Variants in DMD observed in about 807,000 individuals in gnomAD.
DMD encodes dystrophin.
Under a neutral mutation model 330.1 loss-of-function variants are expected in DMD, and 63 were observed. The observed-to-expected ratio is 0.19, with a 90% confidence interval of 0.16 to 0.24. The LOEUF (loss-of-function observed/expected upper bound fraction) is 0.24, where lower values mean the gene tolerates loss of function less well. DMD is among the 10% of genes least tolerant of loss of function. The pLI, the probability that DMD is intolerant of heterozygous loss-of-function variation, is 1.00. For missense variants in DMD, 3,344 were observed against 2,684.1 expected (o/e 1.25, Z -5.43); for synonymous variants, 1,223 against 959.8 (o/e 1.27, Z -5.07).
At chrX:33,238,958 G>A (rs1222787415) in intron 1 of DMD, among the ~76,000 whole-genome samples, 2 of 110,874 alleles carry the variant, frequency 1.8e-5, no homozygotes, top group African/African-American at 3.3e-5. Flanking sequence ...AGCTTGTTAA[G>A]TAAGATGTTG....
intron 60 of DMD, among the ~76,000 whole-genome samples, chrX:31,410,087 C>T (rs2061571990): frequency 1.8e-5 from 2 of 112,265 alleles, no homozygotes; most frequent in South Asian, 7.4e-4. Context: ...CCCAAAGTGC[C>T]AGGATTATAG....
In DMD at chrX:32,848,959, A is replaced by T. The variant is rs747053610; in HGVS notation, c.186+769T>A. On this transcript the variant is annotated intron_variant, in intron 3 of 78. Transcript: ENST00000357033. ...CTAACTGACTTTGAACGACAGCTTC[A>T]GTTTGTATAATATGACAAAATCTGT... is the stretch of plus-strand genomic sequence containing the variant. Among the ~76,000 whole-genome samples, 4 of 111,189 alleles carry T rather than the reference A, an allele frequency of 3.6e-5. No homozygotes were observed. In the East Asian group the frequency reaches 8.6e-4, roughly 24 times the overall value.
At chrX:32,554,873 GGAAA>G (rs2050042480) in intron 16 of DMD, among the ~76,000 whole-genome samples, 2 of 31,169 alleles carry the variant, frequency 6.4e-5, no homozygotes, top group Admixed American at 3.6e-4. Flanking sequence ...AGAGAGAGAA[GGAAA>G]GAAGAAAGAA....
At chrX:32,474,208 T>TACAC (rs3045001) in intron 21 of DMD, among the ~76,000 whole-genome samples, 543 of 41,317 alleles carry the variant, frequency 0.013, 1 homozygote, top group African/African-American at 0.021. Context: ...CATACATACA[T>TACAC]ACACACACAC....
intron 64 of DMD, among the ~76,000 whole-genome samples, chrX:31,222,063 G>GT (rs2046113002): frequency 9.0e-6 from 1 of 110,896 alleles, no homozygotes; most frequent in Admixed American, 9.6e-5. Flanking sequence ...AGGCGTGGTG[G>GT]TGGGTGCCTG....
chrX:31,544,107 G>A (rs1310687151), intron 55 of DMD, among the ~76,000 whole-genome samples: 1 of 111,020 alleles, frequency 9.0e-6, no homozygotes, highest in Non-Finnish European at 1.9e-5. Flanking sequence ...GGCGGACCAC[G>A]AGGTCAGGAG....
intron 18 of DMD, among the ~76,000 whole-genome samples, chrX:32,503,710 C>T (rs568503426): frequency 1.8e-5 from 2 of 110,183 alleles, no homozygotes; most frequent in Middle Eastern, 4.6e-3. Context: ...CGTGCACCAC[C>T]ACGCCCAGCT....
chrX:33,272,287 A>T (rs893663589), intron 1 of DMD, among the ~76,000 whole-genome samples: 4 of 112,171 alleles, frequency 3.6e-5, no homozygotes, highest in African/African-American at 1.3e-4. Context: ...GGAAGAGTTC[A>T]TTGGATTTGG....
At chrX:31,624,461 T>A (rs767791332) in intron 55 of DMD, among the ~76,000 whole-genome samples, 236 of 112,311 alleles carry the variant, frequency 2.1e-3, no homozygotes, top group Non-Finnish European at 3.7e-3. Context: ...GCTGAGAGAA[T>A]AAATATCTTA....
At chrX:31,988,461 G>GA (rs2095525813) in intron 44 of DMD, among the ~76,000 whole-genome samples, 1 of 63,000 alleles carries the variant, frequency 1.6e-5, no homozygotes, top group African/African-American at 6.8e-5. Flanking sequence ...GCAACAGAGT[G>GA]AGACTCCATC....
intron 60 of DMD, among the ~76,000 whole-genome samples, chrX:31,352,896 A>G (rs750740961): frequency 2.7e-5 from 3 of 111,721 alleles, no homozygotes; most frequent in Non-Finnish European, 5.6e-5. Flanking sequence ...ATGAAATTTG[A>G]TAATCTATTA....
At chrX:31,703,297 T>C (rs1163300340) in intron 52 of DMD, among the ~76,000 whole-genome samples, 4 of 112,652 alleles carry the variant, frequency 3.6e-5, no homozygotes, top group African/African-American at 1.3e-4. Context: ...TTGTGATGCC[T>C]ATACTCCAGC....
chrX:32,299,538 T>C (rs1258944540), intron 42 of DMD, among the ~76,000 whole-genome samples: 2 of 109,089 alleles, frequency 1.8e-5, no homozygotes, highest in Admixed American at 2.0e-4. Flanking sequence ...TTACCCTTAC[T>C]GACTTTGTAT....
chrX:31,713,433 A>C (rs2048827931), intron 52 of DMD, among the ~76,000 whole-genome samples: 1 of 111,370 alleles, frequency 9.0e-6, no homozygotes, highest in African/African-American at 3.3e-5. Flanking sequence ...TTGTACCTCT[A>C]ATTTATGCTT....
intron 28 of DMD, among the ~76,000 whole-genome samples, chrX:32,440,556 A>G (rs977345558): frequency 2.7e-5 from 3 of 111,622 alleles, no homozygotes; most frequent in Non-Finnish European, 5.7e-5. Context: ...TTACATATAG[A>G]TAAGTCAAAA....
At chrX:31,470,360 G>A (rs1401781336) in intron 59 of DMD, among the ~76,000 whole-genome samples, 1 of 111,690 alleles carries the variant, frequency 9.0e-6, no homozygotes, top group Non-Finnish European at 1.9e-5. Context: ...GGGTTTTTGT[G>A]TGGACGTCCT....
intron 11 of DMD, among the ~76,000 whole-genome samples, chrX:32,641,714 C>A (rs1213479061): frequency 1.3e-4 from 14 of 110,434 alleles, no homozygotes; most frequent in Non-Finnish European, 1.9e-5. Context: ...TATGACTAGA[C>A]AAATGTTAAT....
chrX:32,108,931 C>T (rs1048530119), intron 44 of DMD, among the ~76,000 whole-genome samples: 41 of 110,980 alleles, frequency 3.7e-4, no homozygotes, highest in African/African-American at 1.3e-3. Flanking sequence ...GTTTAAAATT[C>T]ATATTTATAT....
At chrX:33,277,317 T>A (rs144460217) in intron 1 of DMD, among the ~76,000 whole-genome samples, 1,226 of 110,936 alleles carry the variant, frequency 0.011, 20 homozygotes, top group African/African-American at 0.038. Context: ...GCCTTTGGGG[T>A]GATGAAAATA....
Sources: allele counts gnomAD v4.1 joint callset (sites outside exome capture counted in the v4.1 genomes callset), GRCh38; gene constraint gnomAD v4.1.1; transcripts MANE v1.5; gene names NCBI Gene and HGNC (gene_info 2026-07-23, HGNC 2026-07-21).